EEF2KMT: variants seen among roughly 807,000 people sequenced by gnomAD.
The protein encoded by EEF2KMT is protein-lysine N-methyltransferase EEF2KMT.
A neutral mutation model predicts 35.1 loss-of-function variants in EEF2KMT; 30 were observed. That is an observed-to-expected ratio of 0.85 (90% CI 0.64 to 1.16). The LOEUF is 1.16. Among genes scored for constraint, EEF2KMT ranks in the 50% most tolerant of loss-of-function variants. The pLI, the probability that EEF2KMT is intolerant of heterozygous loss-of-function variation, is 0.00. For synonymous variants in EEF2KMT, 190 were observed against 187.7 expected (o/e 1.01, Z -0.10); for missense variants, 499 against 438.2 (o/e 1.14, Z -1.24).
chr16:5,095,740 T>A (rs1957446451), intron 1 of EEF2KMT, among the ~76,000 whole-genome samples: 1 of 151,552 alleles, frequency 6.6e-6, no homozygotes, highest in South Asian at 2.1e-4. Flanking sequence ...CCTGGCTACT[T>A]AGCGGCCACC....
At chr16:5,087,380 G>T (rs544190594) in intron 7 of EEF2KMT, 8 of 152,282 alleles carry the variant, frequency 5.3e-5, no homozygotes, top group African/African-American at 1.9e-4. Flanking sequence ...TTGAGATGAA[G>T]TCTCGCTATG....
chr16:5,088,294 C>T (rs1272774688), intron 7 of EEF2KMT, among the ~76,000 whole-genome samples: 4 of 152,328 alleles, frequency 2.6e-5, no homozygotes, highest in East Asian at 1.9e-4. Context: ...AGTACGTCTT[C>T]GTGTGCTGGC....
Position 5,085,296 on chromosome 16 carries a change from G to C in EEF2KMT, c.*336C>G. On this transcript the variant is annotated 3_prime_UTR_variant, in exon 8 of 8. Transcript: ENST00000427587. Reference sequence around the variant, plus strand: ...GGGATGTGGCAGCTGCAGTGGGCTTGGCTTTGTGAGGAACTGAGTGTGTCC... The same window carrying C: ...GGGATGTGGCAGCTGCAGTGGGCTTCGCTTTGTGAGGAACTGAGTGTGTCC... 2.0e-6 allele frequency: 1 copy of C among 488,202 alleles called. No individual in the cohort carries two copies. The highest frequency in any genetic ancestry group is 3.7e-6 in the Non-Finnish European group (1 of 267,404). The allele number at this position is 488,202 out of a possible 1,614,324, so 30.2% of individuals were successfully genotyped here.
Position 5,097,625 on chromosome 16 carries a change from C to T in EEF2KMT, c.96+19G>A, listed in dbSNP as rs747915431. On this transcript the variant is annotated intron_variant, in intron 1 of 7. Transcript: ENST00000427587. ...CTCCCGCGAGCCCCGCGGGCCTCTC[C>T]GCTCGCCCCGCCGCCCACCTGCCAG... 1.9e-6 allele frequency: 3 copies of T among 1,545,064 alleles called. No homozygotes were observed. The highest frequency in any genetic ancestry group is 2.4e-5 in the East Asian group (1 of 41,496).
chr16:5,089,173 G>A lies in EEF2KMT; in HGVS notation c.826C>T (p.Pro276Ser), dbSNP rs746558572. 6.2e-7 allele frequency: 1 copy of A among 1,612,066 alleles called. No homozygotes were observed. Residue 276 changes from proline (P) to serine (S), a missense_variant, in exon 7 of 8, where the codon CCT becomes TCT. Transcript: ENST00000427587. ...LAACREHQRA[P>S]EVYVAFTVRN... ...ACGGTAAAGGCCACGTAGACCTCAG[G>A]AGCCCGCTGGTGCTCCCGGCAGGCA...
In EEF2KMT at chr16:5,084,927, C is replaced by T. The variant is rs377518319; in HGVS notation, c.*705G>A. 100 of 1,596,346 alleles carry T rather than the reference C, an allele frequency of 6.3e-5. No individual in the cohort carries two copies. Among genetic ancestry groups the T allele is most frequent in the Admixed American group, 1.3e-4 (8 of 60,004 alleles). On this transcript the variant is annotated 3_prime_UTR_variant, in exon 8 of 8. Transcript: ENST00000427587. The stretch of plus-strand genomic sequence containing the variant: ...ACCCCAGGACCCCTGCTGTCCTTCC[C>T]GCAGCTTCTTCTTGGAGTCTCAGGG...
In EEF2KMT at chr16:5,084,813, G is replaced by A. The variant is rs540792178; in HGVS notation, c.*819C>T. 1.3e-5 allele frequency: 20 copies of A among 1,596,478 alleles called. No homozygotes were observed. In the South Asian group the frequency reaches 1.5e-4, roughly 12 times the overall value. ...AAACCAGTTCCGGAAGAACCTGCGG[G>A]AGTCGCAGCAGCTCCGATGGGATGA... On this transcript the variant is annotated 3_prime_UTR_variant, in exon 8 of 8. Coordinates refer to ENST00000427587, the MANE Select transcript of EEF2KMT (RefSeq NM_201400.4).
At position 5,090,984 on chromosome 16, in the gene EEF2KMT, G is replaced by A. The variant is rs1489676203; in HGVS notation, c.343-419C>T. On this transcript the variant is annotated intron_variant, in intron 4 of 7. Transcript: ENST00000427587. This position sits in a 1 kb window ranked among gnomAD's most constrained non-coding sequence, Gnocchi z 4.1. ...AGGCTGGAGTCAGTGGCACGATCTTGGCTCACTGCAACCTCTGCCTCCTGG... is the reference window on the plus strand; with the variant it reads ...AGGCTGGAGTCAGTGGCACGATCTTAGCTCACTGCAACCTCTGCCTCCTGG... Among the ~76,000 whole-genome samples, 2 of 151,934 alleles carry A rather than the reference G, an allele frequency of 1.3e-5. No individual in the cohort carries two copies. The highest frequency in any genetic ancestry group is 1.3e-4 in the Admixed American group (2 of 15,254).
intron 4 of EEF2KMT, 46 bp downstream of exon 4, chr16:5,091,748 G>T (rs1456687993): frequency 6.2e-7 from 1 of 1,609,682 alleles, no homozygotes; most frequent in Non-Finnish European, 8.5e-7. Context: ...GTCTGTGCAG[G>T]AAGGGTATCT....
chr16:5,091,734 C>T lies in EEF2KMT; in HGVS notation c.342+60G>A, dbSNP rs894990904. 42 of 1,605,204 alleles carry T rather than the reference C, an allele frequency of 2.6e-5. No individual in the cohort carries two copies. In the South Asian group the frequency reaches 3.2e-4, roughly 12 times the overall value. On this transcript the variant is annotated intron_variant, in intron 4 of 7. Transcript: ENST00000427587. ...ATTTGAACCCACACCCACGTTTTCA[C>T]TTTGTCTGTGCAGGAAGGGTATCTG...
chr16:5,086,229 G>A (rs558941209), intron 7 of EEF2KMT, among the ~76,000 whole-genome samples: 1 of 152,014 alleles, frequency 6.6e-6, no homozygotes, highest in East Asian at 2.0e-4. Context: ...CAGCTACTTG[G>A]GAGGCTGAGG....
chr16:5,089,667 G>C (rs1217541146), intron 6 of EEF2KMT, among the ~76,000 whole-genome samples: 32 of 152,168 alleles, frequency 2.1e-4, no homozygotes, highest in Admixed American at 1.9e-3. Flanking sequence ...CTGGGACCTA[G>C]GACCACAGGC....
chr16:5,092,029 T>G, intron 3 of EEF2KMT, 134 bp from the exon 4 acceptor site: 1 of 1,503,586 alleles, frequency 6.7e-7, no homozygotes, highest in Non-Finnish European at 9.0e-7. Context: ...TATAAAATAT[T>G]CACTTCGTTG....
chr16:5,084,906 C>A lies in EEF2KMT; in HGVS notation c.*726G>T, dbSNP rs746218285. ...ACTCCTGGGCCAGAGGCTAAAACCC[C>A]AGGACCCCTGCTGTCCTTCCCGCAG... is the stretch of plus-strand genomic sequence containing the variant. On this transcript the variant is annotated 3_prime_UTR_variant, in exon 8 of 8. Transcript: ENST00000427587. The A allele has an allele frequency of 6.3e-7, 1 of 1,596,422 alleles. No individual in the cohort carries two copies. The highest frequency in any genetic ancestry group is 8.5e-7 in the Non-Finnish European group (1 of 1,179,754).
intron 1 of EEF2KMT, among the ~76,000 whole-genome samples, chr16:5,095,944 T>C (rs1194961843): frequency 7.2e-5 from 11 of 151,980 alleles, no homozygotes; most frequent in African/African-American, 2.4e-4. Context: ...GCAGACTGTC[T>C]CGGCTGGTAT....
rs768443237 is a variant in EEF2KMT at position 5,090,297 on chromosome 16, T to A, written c.529A>T (p.Lys177Ter). ...ATGTATGCCCGGGGGCGGCACATCTTGCAGATGGCCAGGCCTGTGAGGCCA... is the reference window on the plus strand; with the variant it reads ...ATGTATGCCCGGGGGCGGCACATCTAGCAGATGGCCAGGCCTGTGAGGCCA... Reference protein sequence around the residue: ...GAGLTGLAICKMCRPRAYIFS... With the variant: ...GAGLTGLAIC Residue 177 changes from lysine (K) to a stop codon, truncating the protein, a stop_gained, in exon 6 of 8, where the codon AAG becomes TAG. Coordinates refer to ENST00000427587, the MANE Select transcript of EEF2KMT (RefSeq NM_201400.4). LOFTEE classifies it high-confidence loss of function. This position sits in a 1 kb window ranked among gnomAD's most constrained non-coding sequence, Gnocchi z 4.1. 3.8e-5 allele frequency: 61 copies of A among 1,611,918 alleles called. No homozygotes were observed. Among genetic ancestry groups the A allele is most frequent in the Non-Finnish European group, 4.7e-5 (56 of 1,179,858 alleles).
rs796155903 is a variant in EEF2KMT, at chr16:5,087,821, A to AAAC, written c.892+1285_892+1286insGTT. The stretch of plus-strand genomic sequence containing the variant: ...GTCTCAAAAAAAAAAAAAAAAAAAA[A>AAAC]GGTGGGTGGGGGCTTATACTATGTG... On this transcript the variant is annotated intron_variant, in intron 7 of 7. Coordinates refer to ENST00000427587, the MANE Select transcript of EEF2KMT (RefSeq NM_201400.4). Among the ~76,000 whole-genome samples the AAAC allele has an allele frequency of 6.7e-5, 9 of 133,338 alleles. No individual in the cohort carries two copies. The East Asian group carries it at 9.2e-4, about 14-fold the overall frequency. 87.5% of individuals were successfully genotyped at this position (133,338 alleles called of 152,430 possible).
In EEF2KMT at chr16:5,084,550, G is replaced by A. The variant is rs1047847; in HGVS notation, c.*1082C>T. On this transcript the variant is annotated 3_prime_UTR_variant, in exon 8 of 8. Coordinates refer to ENST00000427587, the MANE Select transcript of EEF2KMT (RefSeq NM_201400.4). ...CACCAAGTGTGGGAAAGTGGGACATGCGGGGAAGTTTCCAGAAACTGTGAT... is the reference window on the plus strand; with the variant it reads ...CACCAAGTGTGGGAAAGTGGGACATACGGGGAAGTTTCCAGAAACTGTGAT... 1 of 842,712 alleles carries A rather than the reference G, an allele frequency of 1.2e-6. No individual in the cohort carries two copies. The highest frequency in any genetic ancestry group is 2.7e-5 in the East Asian group (1 of 37,582). The allele number at this position is 842,712 out of a possible 1,614,324, so 52.2% of individuals were successfully genotyped here. A position where few individuals can be genotyped will look rare whatever the true frequency, so the allele number is the denominator to read the frequency against.
chr16:5,093,407 G>A (rs1223590956), intron 3 of EEF2KMT, 77 bp downstream of exon 3: 3 of 1,604,464 alleles, frequency 1.9e-6, no homozygotes, highest in African/African-American at 1.3e-5. Context: ...CAGGCCCAGG[G>A]CCTGGGAAGG....
Sources: gnomAD v4.1 joint callset for allele counts (sites outside exome capture counted in the v4.1 genomes callset) on GRCh38, gnomAD v4.1.1 for gene constraint, Gnocchi (gnomAD v3.1) non-coding constraint, MANE v1.5 for transcripts, NCBI Gene and HGNC (gene_info 2026-07-23, HGNC 2026-07-21) for gene names.